TRPM8: variants seen among roughly 807,000 people sequenced by gnomAD.
The protein encoded by TRPM8 is TRPM8 cationic channel.
In TRPM8, 110 loss-of-function variants were observed where a neutral mutation model predicts 133.7. The ratio of observed to expected loss-of-function variants is 0.82; its 90% CI spans 0.70 to 0.96. TRPM8 has a LOEUF of 0.96. Among genes scored for constraint, TRPM8 ranks in the 40% least tolerant of loss-of-function variants. The pLI is 0.00. For synonymous variants in TRPM8, 535 were observed against 532.3 expected (o/e 1.01, Z -0.07); for missense variants, 1,291 against 1,379.5 (o/e 0.94, Z 1.02).
chr2:233,983,124 G>T lies in TRPM8; in HGVS notation c.2661G>T (p.Gly887=), dbSNP rs1692052778. ...WMVAFGVARQ[G]ILRQNEQRWR... ...TGGCCTTTGGCGTGGCCAGGCAAGG[G>T]ATCCTTAGGCAGAATGAGCAGCGCT... The change falls in exon 20 of 26, where the codon GGG becomes GGT. Residue 887 remains glycine (G), a synonymous_variant. Coordinates refer to ENST00000324695, the MANE Select transcript of TRPM8 (RefSeq NM_024080.5). 6.2e-7 allele frequency: 1 copy of T among 1,614,058 alleles called. No individual in the cohort carries two copies. The highest frequency in any genetic ancestry group is 1.3e-5 in the African/African-American group (1 of 74,912).
rs1192060024 is a variant in TRPM8 at position 234,017,951 on chromosome 2, A to G, written c.*695A>G. 6.7e-6 allele frequency: 1 copy of G among 149,648 alleles called. No individual in the cohort carries two copies. The highest frequency in any genetic ancestry group is 6.8e-5 in the Admixed American group (1 of 14,806). The allele number at this position is 149,648 out of a possible 1,614,324, so 9.3% of individuals were successfully genotyped here. A position where few individuals can be genotyped will look rare whatever the true frequency, so the allele number is the denominator to read the frequency against. Reference sequence around the variant, plus strand: ...CGCCCAAAATGCAACCTTGAAAGGCACTACTGACTTTGTTCTTATTGGATA... The same window carrying G: ...CGCCCAAAATGCAACCTTGAAAGGCGCTACTGACTTTGTTCTTATTGGATA... On this transcript the variant is annotated 3_prime_UTR_variant, in exon 26 of 26. Coordinates refer to ENST00000324695, the MANE Select transcript of TRPM8 (RefSeq NM_024080.5).
chr2:233,926,108 G>T (rs1446556480), intron 1 of TRPM8, among the ~76,000 whole-genome samples: 2 of 152,168 alleles, frequency 1.3e-5, no homozygotes. Context: ...AATGCAGGCT[G>T]CTAGCCATAG....
intron 21 of TRPM8, among the ~76,000 whole-genome samples, chr2:233,986,373 A>C (rs929596434): frequency 2.0e-5 from 3 of 152,222 alleles, no homozygotes; most frequent in Non-Finnish European, 4.4e-5. Context: ...GTTGGAGGGA[A>C]TAATATTGGT....
chr2:234,004,389 C>G lies in TRPM8; in HGVS notation c.3131-2464C>G, dbSNP rs6712962. The stretch of plus-strand genomic sequence containing the variant: ...GTCACTGCCTGCTCATTTGCTTCTC[C>G]TCCTTGGAGATGACTAATGCCTGAA... On this transcript the variant is annotated intron_variant, in intron 22 of 25. Coordinates refer to ENST00000324695, the MANE Select transcript of TRPM8 (RefSeq NM_024080.5). Among the ~76,000 whole-genome samples the G allele has an allele frequency of 3.3e-5, 5 of 152,114 alleles. No individual in the cohort carries two copies. In the East Asian group the frequency reaches 9.7e-4, roughly 30 times the overall value.
intron 23 of TRPM8, among the ~76,000 whole-genome samples, chr2:234,007,760 CT>C (rs1209766318): frequency 6.6e-6 from 1 of 152,206 alleles, no homozygotes; most frequent in Non-Finnish European, 1.5e-5. Context: ...ATAAGCTCTC[CT>C]CCATCCCTAG....
chr2:233,943,627 G>A (rs758687973), intron 6 of TRPM8, among the ~76,000 whole-genome samples: 16 of 152,176 alleles, frequency 1.1e-4, no homozygotes, highest in South Asian at 1.0e-3. Context: ...ACCACCCCCC[G>A]CCCCCTGCAA....
chr2:233,943,044 G>A (rs530894205), intron 6 of TRPM8: 14 of 486,564 alleles, frequency 2.9e-5, no homozygotes, highest in African/African-American at 1.2e-4. Context: ...CATCTCAGGC[G>A]GGCTCAAAGC....
chr2:233,990,102 G>A (rs934140454), intron 21 of TRPM8, among the ~76,000 whole-genome samples: 26 of 152,166 alleles, frequency 1.7e-4, no homozygotes, highest in African/African-American at 6.3e-4. Context: ...ATTGAATTGG[G>A]GTGAAAAGAA....
rs1449350647 is a variant in TRPM8, at chr2:233,935,681, C to G, written c.192-1672C>G. ...GGACAGAACTCTCTGTTCTCCTTCT[C>G]CACTGGCCATGGCCCCCTTGAATTC... On this transcript the variant is annotated intron_variant, in intron 3 of 25. Transcript: ENST00000324695. 4.6e-5 allele frequency among the ~76,000 whole-genome samples: 7 copies of G among 152,216 alleles called. No homozygotes were observed. The East Asian group carries it at 1.3e-3, about 29-fold the overall frequency.
chr2:233,948,228 C>T (rs557406224), intron 8 of TRPM8, among the ~76,000 whole-genome samples: 23 of 152,244 alleles, frequency 1.5e-4, no homozygotes, highest in African/African-American at 5.1e-4. Flanking sequence ...TTCATCCATT[C>T]AACAGATATT....
In TRPM8 at chr2:233,992,270, G is replaced by A. The variant is rs115306712; in HGVS notation, c.2940-4056G>A. Among the ~76,000 whole-genome samples the A allele has an allele frequency of 6.8e-3, 1,024 of 150,312 alleles. 11 individuals are homozygous for A. Among genetic ancestry groups the A allele is most frequent in the African/African-American group, 0.024 (992 of 40,806 alleles). ...GTTCCTCCTCTTTTTTGTTTATTAAGCTCCTTTCTCTTTCTCTTCCTAATC... is the reference window on the plus strand; with the variant it reads ...GTTCCTCCTCTTTTTTGTTTATTAAACTCCTTTCTCTTTCTCTTCCTAATC... On this transcript the variant is annotated intron_variant, in intron 21 of 25. Coordinates refer to ENST00000324695, the MANE Select transcript of TRPM8 (RefSeq NM_024080.5).
rs200934170 is a variant in TRPM8, at chr2:233,985,854, C to T, written c.2928C>T (p.Val976=). 2.0e-5 allele frequency: 33 copies of T among 1,612,990 alleles called. No individual in the cohort carries two copies. The highest frequency in any genetic ancestry group is 1.1e-4 in the African/African-American group (8 of 75,018). Residue 976 remains valine, a synonymous_variant, in exon 21 of 26, where the codon GTC becomes GTT. Transcript: ENST00000324695. ...ACATCCTGCTGGTCAACCTGCTGGTCGCCATGTTTGGGTATGTGTTCAGTC... is the reference window on the plus strand; with the variant it reads ...ACATCCTGCTGGTCAACCTGCTGGTTGCCATGTTTGGGTATGTGTTCAGTC... ...STNILLVNLL[V]AMFGYTVGTV... is the part of the protein sequence containing the mutation.
chr2:233,926,711 C>A, intron 2 of TRPM8, 57 bp downstream of exon 2: 1 of 1,326,770 alleles, frequency 7.5e-7, no homozygotes, highest in Admixed American at 1.7e-5. Flanking sequence ...CGTAAGCCGT[C>A]AAATCCTGCA....
At chr2:233,959,389 C>A (rs1330604912) in intron 11 of TRPM8, among the ~76,000 whole-genome samples, 21 of 127,490 alleles carry the variant, frequency 1.6e-4, no homozygotes, top group African/African-American at 6.7e-4. Context: ...TGCAGAGGTG[C>A]AATCTTGGCT....
At chr2:233,960,473 C>A (rs1230260571) in intron 11 of TRPM8, among the ~76,000 whole-genome samples, 2 of 152,178 alleles carry the variant, frequency 1.3e-5, no homozygotes, top group African/African-American at 4.8e-5. Flanking sequence ...CCAACATTAT[C>A]TCTACATGGG....
At chr2:234,001,654 C>A (rs894280195) in intron 22 of TRPM8, among the ~76,000 whole-genome samples, 24 of 152,298 alleles carry the variant, frequency 1.6e-4, no homozygotes, top group South Asian at 2.1e-4. Flanking sequence ...AAGGAGCACC[C>A]CCCCTTAGCA....
intron 6 of TRPM8, chr2:233,943,065 A>ATTTTTT: frequency 4.1e-6 from 1 of 243,098 alleles, no homozygotes; most frequent in Non-Finnish European, 7.1e-6. Context: ...CAACTGCAGT[A>ATTTTTT]TCTTTTTTTT....
chr2:233,939,206 T>C (rs1179022506), intron 5 of TRPM8, 31 bp downstream of exon 5: 1 of 1,609,700 alleles, frequency 6.2e-7, no homozygotes, highest in Non-Finnish European at 8.5e-7. Flanking sequence ...CGCGGGTTCT[T>C]CCATTCGGGC....
intron 24 of TRPM8, chr2:234,013,323 T>G (rs1413302730): frequency 6.6e-6 from 1 of 152,230 alleles, no homozygotes; most frequent in Non-Finnish European, 1.5e-5. Flanking sequence ...TTGTTGTTTG[T>G]CTGTTCAGGC....
Sources: gnomAD v4.1 joint callset for allele counts (sites outside exome capture counted in the v4.1 genomes callset) on GRCh38, gnomAD v4.1.1 for gene constraint, MANE v1.5 for transcripts, NCBI Gene and HGNC (gene_info 2026-07-23, HGNC 2026-07-21) for gene names.